ZDHHC3: variants seen among roughly 807,000 people sequenced by gnomAD.
ZDHHC3 encodes the protein zDHHC palmitoyltransferase 3, also known as palmitoyltransferase ZDHHC3.
In ZDHHC3, 9 loss-of-function variants were observed where a neutral mutation model predicts 30.6. That is an observed-to-expected ratio of 0.29 (90% CI 0.18 to 0.51). The LOEUF is 0.51. Ranked by LOEUF, ZDHHC3 falls within the 20% of genes least tolerant of loss-of-function variation. The pLI is 0.97. For synonymous variants in ZDHHC3, 136 were observed against 140.2 expected, an observed-to-expected ratio of 0.97 and a Z score of 0.21; for missense variants, 246 against 384.2, an observed-to-expected ratio of 0.64 and a Z score of 3.01.
chr3:44,951,604 T>A (rs1224972823), intron 2 of ZDHHC3, among the ~76,000 whole-genome samples: 1 of 152,154 alleles, frequency 6.6e-6, no homozygotes, highest in Admixed American at 6.5e-5. Context: ...ATCCTGGCCC[T>A]CAGGGCCCCC....
chr3:44,925,112 T>C lies in ZDHHC3; in HGVS notation c.*1577A>G, dbSNP rs1369982434. On this transcript the variant is annotated 3_prime_UTR_variant, in exon 7 of 7. Coordinates refer to ENST00000424952, the MANE Select transcript of ZDHHC3 (RefSeq NM_001135179.2). ...CCCAACCAGAGAAAACTCAAGTAGA[T>C]TGTGGATAGTCGGCCTCCCACTAAG... 1.6e-5 allele frequency: 16 copies of C among 985,770 alleles called. No individual in the cohort carries two copies. The highest frequency in any genetic ancestry group is 1.1e-4 in the East Asian group (1 of 8,824). 61.1% of individuals were successfully genotyped at this position (985,770 alleles called of 1,614,324 possible).
At chr3:44,934,571 C>CA (rs55841069) in intron 3 of ZDHHC3, among the ~76,000 whole-genome samples, 977 of 95,480 alleles carry the variant, frequency 0.01, 13 homozygotes, top group South Asian at 0.017. Context: ...TCCATTTAGC[C>CA]AAAAAAAAAA....
chr3:44,932,280 T>C (rs574048113), intron 5 of ZDHHC3, among the ~76,000 whole-genome samples: 14 of 152,218 alleles, frequency 9.2e-5, no homozygotes, highest in African/African-American at 3.1e-4. Context: ...CCTATCTCTA[T>C]TGTCTGCTGG....
intron 3 of ZDHHC3, among the ~76,000 whole-genome samples, chr3:44,939,927 T>C (rs1437531393): frequency 6.6e-6 from 1 of 152,068 alleles, no homozygotes; most frequent in African/African-American, 2.4e-5. Flanking sequence ...ACACTACCCT[T>C]CTCCTTGGGC....
chr3:44,961,543 A>T (rs777486174), intron 1 of ZDHHC3, among the ~76,000 whole-genome samples: 2 of 152,246 alleles, frequency 1.3e-5, no homozygotes, highest in Non-Finnish European at 2.9e-5. Context: ...GCATTAAAAG[A>T]TGCAGGCCCA....
chr3:44,921,388 C>T lies in ZDHHC3; in HGVS notation c.*5301G>A, dbSNP rs1454140514. ...AGCGGGCCAGATAACACTGTCTCTC[C>T]TCATCAGAGATTTCATACCTCTATA... On this transcript the variant is annotated 3_prime_UTR_variant, in exon 7 of 7. Coordinates refer to ENST00000424952, the MANE Select transcript of ZDHHC3 (RefSeq NM_001135179.2). 2 of 985,310 alleles carry T rather than the reference C, an allele frequency of 2.0e-6. No homozygotes were observed. Among genetic ancestry groups the T allele is most frequent in the Non-Finnish European group, 2.4e-6 (2 of 829,948 alleles). 61.0% of individuals were successfully genotyped at this position (985,310 alleles called of 1,614,324 possible). A position where few individuals can be genotyped will look rare whatever the true frequency, so the allele number is the denominator to read the frequency against.
At chr3:44,934,393 A>G (rs1701761750) in intron 3 of ZDHHC3, among the ~76,000 whole-genome samples, 1 of 151,364 alleles carries the variant, frequency 6.6e-6, no homozygotes, top group African/African-American at 2.4e-5. Flanking sequence ...CAAAAGACCA[A>G]ACCACCAAGG....
In ZDHHC3 at chr3:44,925,962, A is replaced by G. The variant is rs1451044371; in HGVS notation, c.*727T>C. ...ATTGTATAAGGCATTTTGAACTGGA[A>G]AAACGTCTTTCCTACACACTCTTCC... On this transcript the variant is annotated 3_prime_UTR_variant, in exon 7 of 7. Transcript: ENST00000424952. The G allele has an allele frequency of 2.0e-6, 2 of 985,732 alleles. No homozygotes were observed. Among genetic ancestry groups the G allele is most frequent in the African/African-American group, 3.5e-5 (2 of 57,230 alleles). The allele number at this position is 985,732 out of a possible 1,614,324, so 61.1% of individuals were successfully genotyped here.
intron 2 of ZDHHC3, among the ~76,000 whole-genome samples, chr3:44,945,986 T>C (rs1221139484): frequency 1.3e-5 from 2 of 152,258 alleles, no homozygotes; most frequent in Non-Finnish European, 2.9e-5. Context: ...GCTCACTGAC[T>C]ATTTTTTGGT....
chr3:44,945,556 GTTTT>G, intron 2 of ZDHHC3, among the ~76,000 whole-genome samples: 1 of 151,876 alleles, frequency 6.6e-6, no homozygotes, highest in East Asian at 1.9e-4. Flanking sequence ...GTTTTGTTTT[GTTTT>G]TTGTTTTTTT....
Position 44,939,889 on chromosome 3 carries a change from G to A in ZDHHC3, c.431+5279C>T, listed in dbSNP as rs1163504463. On this transcript the variant is annotated intron_variant, in intron 3 of 6. Coordinates refer to ENST00000424952, the MANE Select transcript of ZDHHC3 (RefSeq NM_001135179.2). Reference sequence around the variant, plus strand: ...TAAAATGCTGGTCCCCGAGTTTCCTGTTTTCAAAGATATGAAATGCCAAAC... The same window carrying A: ...TAAAATGCTGGTCCCCGAGTTTCCTATTTTCAAAGATATGAAATGCCAAAC... 5.3e-5 allele frequency among the ~76,000 whole-genome samples: 8 copies of A among 152,294 alleles called. No homozygotes were observed. The East Asian group carries it at 1.5e-3, about 29-fold the overall frequency.
chr3:44,937,959 C>A, intron 3 of ZDHHC3: 1 of 455,992 alleles, frequency 2.2e-6, no homozygotes, highest in Admixed American at 2.4e-5. Context: ...CAGAAAGAAA[C>A]AGAAAAATGT....
intron 6 of ZDHHC3, among the ~76,000 whole-genome samples, chr3:44,928,675 A>G (rs1701216053): frequency 6.6e-6 from 1 of 152,224 alleles, no homozygotes. Context: ...CCAAGGGAGT[A>G]GGCCCCAGTC....
chr3:44,974,541 T>C (rs1705711040), intron 1 of ZDHHC3, among the ~76,000 whole-genome samples: 1 of 152,142 alleles, frequency 6.6e-6, no homozygotes, highest in Non-Finnish European at 1.5e-5. Context: ...GCTCCTCACA[T>C]AAAACCCAGC....
chr3:44,931,340 C>T (rs539766187), intron 5 of ZDHHC3, among the ~76,000 whole-genome samples: 1 of 152,328 alleles, frequency 6.6e-6, no homozygotes, highest in South Asian at 2.1e-4. Flanking sequence ...AGGGCCATGG[C>T]CTATTCTCCC....
Position 44,926,309 on chromosome 3 carries a change from C to T in ZDHHC3, c.*380G>A. On this transcript the variant is annotated 3_prime_UTR_variant, in exon 7 of 7. Coordinates refer to ENST00000424952, the MANE Select transcript of ZDHHC3 (RefSeq NM_001135179.2). ...CCCTCCTGGCTTTCCCATGCATCCCCCACCAGGTGTCCAGACTATTCCATC... is the reference window on the plus strand; with the variant it reads ...CCCTCCTGGCTTTCCCATGCATCCCTCACCAGGTGTCCAGACTATTCCATC... 1.0e-6 allele frequency: 1 copy of T among 992,260 alleles called. No individual in the cohort carries two copies. The highest frequency in any genetic ancestry group is 4.7e-5 in the South Asian group (1 of 21,410). The allele number at this position is 992,260 out of a possible 1,614,324, so 61.5% of individuals were successfully genotyped here.
chr3:44,957,168 G>T (rs1704024912), intron 2 of ZDHHC3, among the ~76,000 whole-genome samples: 1 of 152,102 alleles, frequency 6.6e-6, no homozygotes, highest in South Asian at 2.1e-4. Context: ...CTTTGCCCCA[G>T]AAAGTCAACA....
chr3:44,918,227 C>G lies in ZDHHC3; in HGVS notation c.*8462G>C. 7.7e-6 allele frequency: 8 copies of G among 1,039,026 alleles called. No homozygotes were observed. Among genetic ancestry groups the G allele is most frequent in the Admixed American group, 9.1e-5 (2 of 22,094 alleles). 64.4% of individuals were successfully genotyped at this position (1,039,026 alleles called of 1,614,324 possible). On this transcript the variant is annotated 3_prime_UTR_variant, in exon 7 of 7. Transcript: ENST00000424952. ...ATAGACACCCCCAGCTATAGCATAG[C>G]AGTGGCGGGGGGGGGGGCGGGGTGT...
chr3:44,946,090 C>A (rs1702907988), intron 2 of ZDHHC3, among the ~76,000 whole-genome samples: 1 of 152,174 alleles, frequency 6.6e-6, no homozygotes, highest in African/African-American at 2.4e-5. Context: ...ATTTGCAGCT[C>A]CACATTTTAA....
Sources: gnomAD v4.1 joint callset for allele counts (sites outside exome capture counted in the v4.1 genomes callset) on GRCh38, gnomAD v4.1.1 for gene constraint, MANE v1.5 for transcripts, NCBI Gene and HGNC (gene_info 2026-07-23, HGNC 2026-07-21) for gene names.